The following MARCHF8 variants were observed in gnomAD, a reference collection of about 807,000 sequenced individuals.
MARCHF8 encodes membrane associated ring-CH-type finger 8.
In MARCHF8, 40 loss-of-function variants were observed where a neutral mutation model predicts 51.6. The observed-to-expected ratio is 0.77, with a 90% confidence interval of 0.60 to 1.01. MARCHF8 has a LOEUF of 1.01. Among genes scored for constraint, MARCHF8 ranks in the 50% least tolerant of loss-of-function variants. MARCHF8 has a pLI of 0.00. For synonymous variants in MARCHF8, 263 were observed against 280.3 expected, an observed-to-expected ratio of 0.94 and a Z score of 0.62; for missense variants, 685 against 708.6, an observed-to-expected ratio of 0.97 and a Z score of 0.38.
intron 1 of MARCHF8, among the ~76,000 whole-genome samples, chr10:45,563,611 A>T (rs758262348): frequency 1.1e-4 from 17 of 152,226 alleles, no homozygotes; most frequent in Non-Finnish European, 2.5e-4. Context: ...TGTATTTTTA[A>T]AAGGAACAAA....
intron 2 of MARCHF8, among the ~76,000 whole-genome samples, chr10:45,509,794 T>C (rs1365823389): frequency 6.6e-6 from 1 of 152,158 alleles, no homozygotes; most frequent in Non-Finnish European, 1.5e-5. Context: ...GAGGAATTCT[T>C]ATAAATAAAA....
intron 3 of MARCHF8, among the ~76,000 whole-genome samples, chr10:45,466,633 C>T (rs895594929): frequency 6.6e-6 from 1 of 152,152 alleles, no homozygotes; most frequent in African/African-American, 2.4e-5. Context: ...TTAGTAAGAG[C>T]ATGGTCCTCT....
intron 1 of MARCHF8, among the ~76,000 whole-genome samples, chr10:45,580,387 G>T (rs1669858279): frequency 6.6e-6 from 1 of 152,072 alleles, no homozygotes; most frequent in South Asian, 2.1e-4. Context: ...TAGGGAATAT[G>T]AACACCTGTC....
chr10:45,487,171 A>G (rs1487190024), intron 3 of MARCHF8, among the ~76,000 whole-genome samples: 2 of 152,150 alleles, frequency 1.3e-5, no homozygotes, highest in African/African-American at 2.4e-5. Context: ...TCAAAATCAC[A>G]TGGCTAGTAA....
chr10:45,557,628 C>T (rs1033749181), intron 1 of MARCHF8, among the ~76,000 whole-genome samples: 1 of 152,110 alleles, frequency 6.6e-6, no homozygotes, highest in Non-Finnish European at 1.5e-5. Flanking sequence ...GAAGACCATA[C>T]GACCTCCTGT....
At chr10:45,534,334 G>A (rs922169648) in intron 1 of MARCHF8, among the ~76,000 whole-genome samples, 1 of 152,140 alleles carries the variant, frequency 6.6e-6, no homozygotes, top group Non-Finnish European at 1.5e-5. Context: ...GGTTTCCTAG[G>A]GAATATGAAG....
At chr10:45,551,981 T>A (rs1358740686) in intron 1 of MARCHF8, among the ~76,000 whole-genome samples, 2 of 152,194 alleles carry the variant, frequency 1.3e-5, no homozygotes, top group South Asian at 2.1e-4. Context: ...AAAGGCTATA[T>A]GATCCCTGGA....
intron 2 of MARCHF8, among the ~76,000 whole-genome samples, chr10:45,495,535 CT>C (rs1356390346): frequency 1.1e-4 from 17 of 152,090 alleles, no homozygotes; most frequent in Non-Finnish European, 7.3e-5. Context: ...CCTCTCCATA[CT>C]TCCCTTATAT....
At chr10:45,474,694 CTT>C (rs1473370308) in intron 3 of MARCHF8, among the ~76,000 whole-genome samples, 2 of 152,178 alleles carry the variant, frequency 1.3e-5, no homozygotes, top group African/African-American at 2.4e-5. Flanking sequence ...AAGAATCAGA[CTT>C]TGAATAGATC....
intron 2 of MARCHF8, among the ~76,000 whole-genome samples, chr10:45,520,876 T>C (rs1205241179): frequency 6.6e-6 from 1 of 152,250 alleles, no homozygotes; most frequent in Non-Finnish European, 1.5e-5. Flanking sequence ...CATTAACTAC[T>C]TTGTTGAATG....
intron 1 of MARCHF8, among the ~76,000 whole-genome samples, chr10:45,571,580 G>A (rs755445642): frequency 1.7e-4 from 26 of 152,098 alleles, no homozygotes; most frequent in African/African-American, 2.9e-4. Flanking sequence ...ATTTGGTGCC[G>A]TGACTCGGAT....
intron 1 of MARCHF8, among the ~76,000 whole-genome samples, chr10:45,562,638 C>A (rs1001655606): frequency 6.6e-6 from 1 of 151,862 alleles, no homozygotes; most frequent in Non-Finnish European, 1.5e-5. Context: ...CTTAGATAAG[C>A]TTATTTTTTT....
rs889539119 is a variant in MARCHF8 at position 45,590,303 on chromosome 10, G to A, written c.-79+3932C>T. On this transcript the variant is annotated intron_variant, in intron 1 of 6. Transcript: ENST00000319836. ...TCAAATCCTTTGTCGATTTTTTTGA[G>A]TTCCTTTTCTTTTTATGACTGAGGT... Among the ~76,000 whole-genome samples, 38 of 152,018 alleles carry A rather than the reference G, an allele frequency of 2.5e-4. 2 individuals carry two copies. The highest frequency in any genetic ancestry group is 2.9e-5 in the Non-Finnish European group (2 of 68,008).
chr10:45,519,866 T>C (rs1259044046), intron 2 of MARCHF8, among the ~76,000 whole-genome samples: 1 of 151,988 alleles, frequency 6.6e-6, no homozygotes, highest in East Asian at 1.9e-4. Flanking sequence ...TATTGATGAG[T>C]GGCGCATTAA....
intron 4 of MARCHF8, 114 bp downstream of exon 4, chr10:45,464,125 C>A: frequency 6.5e-7 from 1 of 1,536,446 alleles, no homozygotes; most frequent in Non-Finnish European, 8.9e-7. Flanking sequence ...AACTCGCCAA[C>A]TGTTTAGACC....
At chr10:45,584,304 CA>C (rs2044593855) in intron 1 of MARCHF8, among the ~76,000 whole-genome samples, 1 of 151,312 alleles carries the variant, frequency 6.6e-6, no homozygotes, top group Non-Finnish European at 1.5e-5. Context: ...CACAAAAGCA[CA>C]AATCTGAGGG....
At chr10:45,539,749 A>G (rs925400282), upstream of MARCHF8, among the ~76,000 whole-genome samples, 1 of 152,256 alleles carries the variant, frequency 6.6e-6, no homozygotes, top group African/African-American at 2.4e-5. Context: ...TTAGGAAAAG[A>G]GGAAGTCAAA....
chr10:45,518,977 A>G (rs563097165), intron 2 of MARCHF8, among the ~76,000 whole-genome samples: 1 of 152,330 alleles, frequency 6.6e-6, no homozygotes, highest in East Asian at 1.9e-4. Context: ...CAGTGTTACA[A>G]AAGAAGTAAC....
chr10:45,504,629 G>A (rs779808203), intron 2 of MARCHF8, among the ~76,000 whole-genome samples: 18 of 152,272 alleles, frequency 1.2e-4, no homozygotes, highest in Middle Eastern at 6.8e-3. Flanking sequence ...CACTCACTCA[G>A]AATCTAACAA....
Sources: allele counts gnomAD v4.1 joint callset (sites outside exome capture counted in the v4.1 genomes callset), GRCh38; gene constraint gnomAD v4.1.1; transcripts MANE v1.5; gene names NCBI Gene and HGNC (gene_info 2026-07-23, HGNC 2026-07-21).